Variants in STK3 observed in about 807,000 individuals in gnomAD.
STK3 encodes serine/threonine-protein kinase 3.
A neutral mutation model predicts 58.0 loss-of-function variants in STK3; 41 were observed. The observed-to-expected ratio is 0.71, with a 90% CI of 0.55 to 0.92. STK3 has a LOEUF of 0.92. STK3 is among the 40% of genes least tolerant of loss of function. The pLI is 0.00. For missense variants in STK3, 479 were observed against 602.7 expected (o/e 0.79, Z 2.15); for synonymous variants, 170 against 191.0 (o/e 0.89, Z 0.91).
intron 1 of STK3, among the ~76,000 whole-genome samples, chr8:98,786,355 T>G (rs1370053029): frequency 6.6e-6 from 1 of 152,174 alleles, no homozygotes; most frequent in African/African-American, 2.4e-5. Flanking sequence ...GAGACCATCC[T>G]GGAAAACATA....
chr8:98,646,635 GTTC>G (rs1243506828), intron 6 of STK3, among the ~76,000 whole-genome samples: 1 of 152,018 alleles, frequency 6.6e-6, no homozygotes, highest in Non-Finnish European at 1.5e-5. Flanking sequence ...GCTTCTTGAG[GTTC>G]TTATTCTCCC....
intron 1 of STK3, among the ~76,000 whole-genome samples, chr8:98,926,520 A>G (rs1425017435): frequency 6.6e-6 from 1 of 152,090 alleles, no homozygotes; most frequent in Admixed American, 6.6e-5. Context: ...TGAAAATAAT[A>G]CTCTCTTCAA....
At chr8:98,361,583 C>G in the STK3 span, among the ~76,000 whole-genome samples, 1 of 152,118 alleles carries the variant, frequency 6.6e-6, no homozygotes, top group Non-Finnish European at 1.5e-5. Flanking sequence ...TATTTATGAT[C>G]TTAACAAAAA....
chr8:98,348,196 G>T, the STK3 span, among the ~76,000 whole-genome samples: 1 of 152,110 alleles, frequency 6.6e-6, no homozygotes, highest in Non-Finnish European at 1.5e-5. Flanking sequence ...GGAATAATTG[G>T]ATATCCATAT....
chr8:98,502,196 GCTCT>G (rs1035143459), intron 10 of STK3, among the ~76,000 whole-genome samples: 14 of 152,132 alleles, frequency 9.2e-5, no homozygotes, highest in African/African-American at 3.1e-4. Context: ...TCATGATTTG[GCTCT>G]CTGTTTGTCT....
At chr8:98,826,782 TGGGAGGCCAAGGCGGGCGGATCACTTGAG>T (rs1402369923), upstream of STK3, among the ~76,000 whole-genome samples, 1 of 127,126 alleles carries the variant, frequency 7.9e-6, no homozygotes, top group African/African-American at 3.1e-5. Context: ...CCCAATACTT[TGGGAGGCCAAGGCGGGCGGATCACTTGAG>T]CTCAGGAGTT....
intron 6 of STK3, among the ~76,000 whole-genome samples, chr8:98,644,248 A>G (rs576558816): frequency 9.2e-5 from 14 of 152,302 alleles, no homozygotes; most frequent in African/African-American, 1.9e-4. Flanking sequence ...GAAGTTTAAC[A>G]TGATGAAAAT....
At chr8:98,447,861 C>A (rs1241289016) in intron 1 of STK3, among the ~76,000 whole-genome samples, 1 of 148,464 alleles carries the variant, frequency 6.7e-6, no homozygotes, top group Non-Finnish European at 1.5e-5. Flanking sequence ...AACTAGCAAC[C>A]CATTAGATTA....
chr8:98,662,897 T>TA (rs1822068566), intron 6 of STK3, among the ~76,000 whole-genome samples: 1 of 152,056 alleles, frequency 6.6e-6, no homozygotes, highest in African/African-American at 2.4e-5. Context: ...ATTAAAGACT[T>TA]AAATGTTAGA....
intron 1 of STK3, among the ~76,000 whole-genome samples, chr8:98,811,826 T>C (rs1014411146): frequency 2.0e-5 from 3 of 152,168 alleles, no homozygotes; most frequent in African/African-American, 7.2e-5. Flanking sequence ...ATGAAAGGTT[T>C]TGTTGTTGTT....
chr8:98,714,491 GACAA>G (rs1168678468), intron 4 of STK3, among the ~76,000 whole-genome samples: 1 of 152,092 alleles, frequency 6.6e-6, no homozygotes, highest in African/African-American at 2.4e-5. Context: ...ACCAATAACA[GACAA>G]ACAGAGAGAC....
intron 1 of STK3, among the ~76,000 whole-genome samples, chr8:98,797,366 C>A (rs1833244614): frequency 6.6e-6 from 1 of 152,180 alleles, no homozygotes; most frequent in African/African-American, 2.4e-5. Context: ...TTCTCTCTCT[C>A]TCCCTTAGGA....
intron 1 of STK3, among the ~76,000 whole-genome samples, chr8:98,901,974 C>T (rs1311627688): frequency 6.6e-6 from 1 of 152,232 alleles, no homozygotes; most frequent in Non-Finnish European, 1.5e-5. Flanking sequence ...GCCTGCAACA[C>T]ACAAGATGCT....
At chr8:98,664,026 T>C (rs1822158203) in intron 6 of STK3, among the ~76,000 whole-genome samples, 1 of 152,152 alleles carries the variant, frequency 6.6e-6, no homozygotes, top group African/African-American at 2.4e-5. Context: ...GTGTTATTAT[T>C]ACTATAATTA....
chr8:98,656,485 TA>T (rs34284136), intron 6 of STK3, among the ~76,000 whole-genome samples: 35,130 of 149,408 alleles, frequency 0.24, 4,923 homozygotes, highest in East Asian at 0.42. Flanking sequence ...TAAAGTATAA[TA>T]AAAAAAAAAG....
upstream of STK3, among the ~76,000 whole-genome samples, chr8:98,827,485 T>C (rs79456038): frequency 2.0e-5 from 3 of 152,212 alleles, no homozygotes; most frequent in Non-Finnish European, 4.4e-5. Context: ...AAATTAAACT[T>C]GACTATTAGC....
At chr8:98,785,413 G>T (rs1394982420) in intron 1 of STK3, among the ~76,000 whole-genome samples, 1 of 152,124 alleles carries the variant, frequency 6.6e-6, no homozygotes, top group Non-Finnish European at 1.5e-5. Flanking sequence ...GGCCAAGGAG[G>T]TCTCCCAGCT....
At chr8:98,597,905 AATCTC>A in intron 6 of STK3, 2 of 985,392 alleles carry the variant, frequency 2.0e-6, no homozygotes, top group Non-Finnish European at 2.4e-6. Context: ...TAACCTAATT[AATCTC>A]AGACAGCTCC....
intron 7 of STK3, among the ~76,000 whole-genome samples, chr8:98,593,917 A>G (rs1815564400): frequency 2.0e-5 from 3 of 152,138 alleles, no homozygotes; most frequent in Admixed American, 2.0e-4. Context: ...TTAAATCAGA[A>G]GTTTGTTAGG....
Sources: gnomAD v4.1 joint callset for allele counts (sites outside exome capture counted in the v4.1 genomes callset) on GRCh38, gnomAD v4.1.1 for gene constraint, MANE v1.5 for transcripts, NCBI Gene and HGNC (gene_info 2026-07-23, HGNC 2026-07-21) for gene names.